MIR2052HG: variants seen among roughly 807,000 people sequenced by gnomAD.
MIR2052HG encodes the protein MIR2052 host gene.
chr8:74,752,335 C>T, intron 4 of MIR2052HG: 1 of 281,798 alleles, frequency 3.5e-6, no homozygotes, highest in Non-Finnish European at 7.0e-6. Context: ...TTTTCAATTA[C>T]TAATTTCAAA....
intron 2 of MIR2052HG, among the ~76,000 whole-genome samples, chr8:74,702,045 T>G (rs1019883093): frequency 2.6e-5 from 4 of 152,082 alleles, no homozygotes; most frequent in African/African-American, 9.7e-5. Context: ...GAACGGGTGT[T>G]TGCTTCTAAT....
intron 2 of MIR2052HG, among the ~76,000 whole-genome samples, chr8:74,664,664 C>T (rs548471693): frequency 1.3e-5 from 2 of 152,184 alleles, no homozygotes; most frequent in South Asian, 2.1e-4. Context: ...ATTACAGGTG[C>T]CCGCCACTAT....
intron 2 of MIR2052HG, among the ~76,000 whole-genome samples, chr8:74,701,436 T>G (rs1442179727): frequency 1.3e-5 from 2 of 152,062 alleles, no homozygotes; most frequent in African/African-American, 4.8e-5. Flanking sequence ...CAATTGTATA[T>G]TCCTTCTCCA....
At chr8:74,632,578 C>T (rs1014246959) in intron 2 of MIR2052HG, 1 of 152,088 alleles carries the variant, frequency 6.6e-6, no homozygotes, top group Non-Finnish European at 1.5e-5. Flanking sequence ...TTTTAAACTT[C>T]AGGCTTAAAA....
intron 4 of MIR2052HG, among the ~76,000 whole-genome samples, chr8:74,708,087 C>A (rs1809429410): frequency 6.6e-6 from 1 of 152,064 alleles, no homozygotes; most frequent in Non-Finnish European, 1.5e-5. Context: ...GAGTCTTCGG[C>A]TTTCTCTATC....
chr8:74,615,951 T>C (rs1445816962), intron 2 of MIR2052HG, among the ~76,000 whole-genome samples: 3 of 152,212 alleles, frequency 2.0e-5, no homozygotes, highest in Non-Finnish European at 4.4e-5. Context: ...TCATCATTTT[T>C]TTATGGCTGC....
Position 74,681,224 on chromosome 8 carries a change from AAAAG to A in MIR2052HG, n.217-21153_217-21150del, listed in dbSNP as rs201160728. Among the ~76,000 whole-genome samples the A allele has an allele frequency of 4.7e-3, 712 of 152,142 alleles. 16 individuals carry two copies. The highest frequency in any genetic ancestry group is 0.032 in the Admixed American group (487 of 15,254). ...AACTTAAAGTATAATAATAATAAAA[AAAAG>A]ACACAATGTCACCAAGGCATAAATT... On this transcript the variant is annotated intron_variant and non_coding_transcript_variant, in intron 2 of 6. Coordinates refer to ENST00000523442, the Ensembl canonical transcript of MIR2052HG.
At chr8:74,726,851 CTA>C (rs1177110019) in intron 4 of MIR2052HG, among the ~76,000 whole-genome samples, 1 of 152,190 alleles carries the variant, frequency 6.6e-6, no homozygotes, top group African/African-American at 2.4e-5. Context: ...GTTTATAGCA[CTA>C]AGTGACTGTT....
chr8:74,669,221 C>T (rs1808964461), intron 2 of MIR2052HG, among the ~76,000 whole-genome samples: 1 of 152,174 alleles, frequency 6.6e-6, no homozygotes, highest in Non-Finnish European at 1.5e-5. Flanking sequence ...CACTGCCAGT[C>T]ATCTAGATAC....
chr8:74,670,284 T>TTATTAAAAAAAGAACTTAAAAAA (rs59609164), intron 2 of MIR2052HG, among the ~76,000 whole-genome samples: 1 of 152,112 alleles, frequency 6.6e-6, no homozygotes, highest in African/African-American at 2.4e-5. Context: ...TTAACAAAAA[T>TTATTAAAAAAAGAACTTAAAAAA]ATATTAACTG....
At chr8:74,695,071 CAT>C (rs1341843090) in intron 2 of MIR2052HG, among the ~76,000 whole-genome samples, 1 of 152,010 alleles carries the variant, frequency 6.6e-6, no homozygotes, top group Non-Finnish European at 1.5e-5. Flanking sequence ...CATCAGGTAA[CAT>C]ATAAAGGAAA....
rs1485340799 is a variant in MIR2052HG at position 74,673,910 on chromosome 8, T to TATATATATATACAC, written n.217-28468_217-28467insTATATATATACACA. On this transcript the variant is annotated intron_variant and non_coding_transcript_variant, in intron 2 of 6. Coordinates refer to ENST00000523442, the Ensembl canonical transcript of MIR2052HG. ...TTGTATATATATATATATATATATA[T>TATATATATATACAC]ACACACACAAAATATCTATCTATAT... Among the ~76,000 whole-genome samples, 109 of 133,160 alleles carry TATATATATATACAC rather than the reference T, an allele frequency of 8.2e-4. 1 individual carries two copies. The highest frequency in any genetic ancestry group is 2.0e-3 in the African/African-American group (60 of 29,474). The allele number at this position is 133,160 out of a possible 152,430, so 87.4% of individuals were successfully genotyped here. A position where few individuals can be genotyped will look rare whatever the true frequency, so the allele number is the denominator to read the frequency against.
chr8:74,742,552 C>T (rs1208643880), intron 4 of MIR2052HG, among the ~76,000 whole-genome samples: 1 of 152,004 alleles, frequency 6.6e-6, no homozygotes, highest in Non-Finnish European at 1.5e-5. Flanking sequence ...CTGAGTGAGG[C>T]ACCAACCACA....
At chr8:74,750,475 TATC>T (rs1310208853) in intron 4 of MIR2052HG, among the ~76,000 whole-genome samples, 4 of 152,272 alleles carry the variant, frequency 2.6e-5, no homozygotes, top group East Asian at 1.9e-4. Flanking sequence ...TCTGCTAAAA[TATC>T]ATAGGAACAA....
In MIR2052HG at chr8:74,627,117, A is replaced by G. The variant is rs184558931; in HGVS notation, n.216+14177A>G. On this transcript the variant is annotated intron_variant and non_coding_transcript_variant, in intron 2 of 6. Transcript: ENST00000523442. ...ATATTCACCTTTCAGAGCTCAGAAC[A>G]TAGGCCATCTAGAAAAATCCTCAGT... is the stretch of plus-strand genomic sequence containing the variant. Among the ~76,000 whole-genome samples, 393 of 152,282 alleles carry G rather than the reference A, an allele frequency of 2.6e-3. 6 individuals are homozygous for G. The highest frequency in any genetic ancestry group is 5.3e-3 in the African/African-American group (220 of 41,560).
At chr8:74,736,016 GA>G (rs1809741282) in intron 4 of MIR2052HG, among the ~76,000 whole-genome samples, 1 of 152,116 alleles carries the variant, frequency 6.6e-6, no homozygotes, top group South Asian at 2.1e-4. Context: ...TTAAGTAATT[GA>G]AAGTATCCTC....
chr8:74,694,415 C>T (rs762053565), intron 2 of MIR2052HG, among the ~76,000 whole-genome samples: 1 of 152,164 alleles, frequency 6.6e-6, no homozygotes, highest in Admixed American at 6.5e-5. Flanking sequence ...TGAGAAGGAA[C>T]CAGAAAAACA....
chr8:74,741,137 A>G (rs1048023820), intron 4 of MIR2052HG, among the ~76,000 whole-genome samples: 9 of 152,218 alleles, frequency 5.9e-5, no homozygotes, highest in Non-Finnish European at 1.2e-4. Flanking sequence ...CTTACAAATA[A>G]TTAATTTCAT....
At chr8:74,755,687 C>T (rs532972221) in intron 5 of MIR2052HG, among the ~76,000 whole-genome samples, 2 of 152,224 alleles carry the variant, frequency 1.3e-5, no homozygotes, top group South Asian at 2.1e-4. Context: ...TTGGTTCATG[C>T]GCTAAAATGT....
Sources: gnomAD v4.1 joint callset for allele counts (sites outside exome capture counted in the v4.1 genomes callset) on GRCh38, gnomAD v4.1.1 for gene constraint, MANE v1.5 for transcripts, NCBI Gene and HGNC (gene_info 2026-07-23, HGNC 2026-07-21) for gene names.